The following ERC1 variants were observed in gnomAD, a reference collection of about 807,000 sequenced individuals.
ERC1 encodes RAB6 interacting protein 2.
Under a neutral mutation model 132.0 loss-of-function variants are expected in ERC1, and 56 were observed. That is an observed-to-expected ratio of 0.42 (90% CI 0.34 to 0.53). The LOEUF (loss-of-function observed/expected upper bound fraction) is 0.53. ERC1 is among the 20% of genes least tolerant of loss of function. The pLI, the probability that ERC1 is intolerant of heterozygous loss-of-function variation, is 0.03. For missense variants in ERC1, 1,202 were observed against 1,349.9 expected (o/e 0.89, Z 1.72); for synonymous variants, 478 against 476.1 (o/e 1.00, Z -0.05).
intron 2 of ERC1, among the ~76,000 whole-genome samples, chr12:1,063,589 T>A (rs1043320908): frequency 6.6e-6 from 1 of 152,178 alleles, no homozygotes; most frequent in Non-Finnish European, 1.5e-5. Context: ...TGTGTGTTTT[T>A]ACATGTGAAG....
At chr12:1,395,066 G>A (rs914717571) in intron 16 of ERC1, among the ~76,000 whole-genome samples, 3 of 152,142 alleles carry the variant, frequency 2.0e-5, no homozygotes, top group Non-Finnish European at 4.4e-5. Flanking sequence ...GATACAGCTG[G>A]GAGAAATGAT....
At chr12:1,026,371 G>A (rs1966888094) in intron 1 of ERC1, among the ~76,000 whole-genome samples, 1 of 152,062 alleles carries the variant, frequency 6.6e-6, no homozygotes, top group African/African-American at 2.4e-5. Flanking sequence ...GATTTGAGTG[G>A]GGACACAGCC....
intron 2 of ERC1, among the ~76,000 whole-genome samples, chr12:1,057,380 T>A (rs772741083): frequency 2.6e-5 from 4 of 152,096 alleles, no homozygotes; most frequent in Non-Finnish European, 5.9e-5. Flanking sequence ...TTCCTTGGCC[T>A]CCTGGAAAGC....
chr12:1,056,084 T>TAAA lies in ERC1; in HGVS notation c.670-27074_670-27072dup, dbSNP rs60332254. Among the ~76,000 whole-genome samples the TAAA allele has an allele frequency of 8.0e-3, 1,158 of 145,406 alleles. 19 individuals are homozygous for TAAA. The highest frequency in any genetic ancestry group is 0.026 in the African/African-American group (1,001 of 38,682). ...TTTTATTGTAGCCTTTTTTTTTTTTTAAAAAAAAGGTGAATGTCAGCAGAG... is the reference window on the plus strand; with the variant it reads ...TTTTATTGTAGCCTTTTTTTTTTTTTAAAAAAAAAAAGGTGAATGTCAGCAGAG... On this transcript the variant is annotated intron_variant, in intron 2 of 18. Coordinates refer to ENST00000360905, the MANE Select transcript of ERC1 (RefSeq NM_178040.4).
intron 15 of ERC1, among the ~76,000 whole-genome samples, chr12:1,360,514 T>C (rs1044863952): frequency 8.5e-5 from 13 of 152,228 alleles, no homozygotes; most frequent in African/African-American, 3.1e-4. Context: ...CACTTCACTG[T>C]AATCCAAAAC....
chr12:1,183,270 C>T lies in ERC1; in HGVS notation c.2017-11C>T. 1.3e-6 allele frequency: 2 copies of T among 1,518,962 alleles called. No individual in the cohort carries two copies. The highest frequency in any genetic ancestry group is 4.6e-5 in the East Asian group (2 of 43,634). The allele number at this position is 1,518,962 out of a possible 1,614,324, so 94.1% of individuals were successfully genotyped here. ...AAATTATTTATTCTAGATGTGTGTT[C>T]CTTCTTTTAGGCTTCACTTTTGGAT... is the stretch of plus-strand genomic sequence containing the variant. On this transcript the variant is annotated splice_polypyrimidine_tract_variant and intron_variant, in intron 10 of 18. Coordinates refer to ENST00000360905, the MANE Select transcript of ERC1 (RefSeq NM_178040.4).
At chr12:1,092,787 C>T (rs1033499508) in intron 3 of ERC1, among the ~76,000 whole-genome samples, 1 of 152,116 alleles carries the variant, frequency 6.6e-6, no homozygotes, top group East Asian at 1.9e-4. Context: ...ATGGCAAAAC[C>T]CTGTCTCTAC....
chr12:1,487,582 T>C (rs1454847785), intron 18 of ERC1, among the ~76,000 whole-genome samples: 2 of 148,282 alleles, frequency 1.3e-5, no homozygotes, highest in Non-Finnish European at 3.0e-5. Context: ...TAGCCAGGCA[T>C]GGTGGTACAC....
intron 1 of ERC1, among the ~76,000 whole-genome samples, chr12:1,017,642 G>A (rs1451354835): frequency 6.6e-6 from 1 of 151,992 alleles, no homozygotes; most frequent in Non-Finnish European, 1.5e-5. Context: ...GGGACTAGAG[G>A]CGTGCGCTAT....
At chr12:1,001,875 T>C (rs914631617) in intron 1 of ERC1, among the ~76,000 whole-genome samples, 13 of 143,922 alleles carry the variant, frequency 9.0e-5, no homozygotes, top group East Asian at 3.9e-4. Context: ...TTTTTTTTTT[T>C]CCTGAGACGG....
At chr12:1,289,818 C>G in intron 14 of ERC1, 34 bp from the exon 15 acceptor site, 1 of 1,591,210 alleles carries the variant, frequency 6.3e-7, no homozygotes, top group Non-Finnish European at 8.6e-7. Context: ...TTGATCAAGA[C>G]ACTCTGTTGT....
At chr12:1,433,993 A>AT (rs1398758495) in intron 17 of ERC1, among the ~76,000 whole-genome samples, 1 of 151,760 alleles carries the variant, frequency 6.6e-6, no homozygotes, top group Non-Finnish European at 1.5e-5. Flanking sequence ...AAAAAAAAAA[A>AT]AAAAAAAGGT....
chr12:1,339,878 A>G (rs1341335922), intron 15 of ERC1, among the ~76,000 whole-genome samples: 1 of 152,136 alleles, frequency 6.6e-6, no homozygotes, highest in Admixed American at 6.5e-5. Flanking sequence ...GTGCTCACCA[A>G]GGCTCCAACT....
At chr12:1,420,913 TTGGTTTG>T (rs1304613185) in intron 17 of ERC1, among the ~76,000 whole-genome samples, 1 of 54,098 alleles carries the variant, frequency 1.8e-5, no homozygotes, top group Non-Finnish European at 4.2e-5. Flanking sequence ...TTGTTTGGTT[TTGGTTTG>T]GGGGGGGGGG....
At chr12:1,122,235 ATCTGTGTC>A (rs1459169013) in intron 7 of ERC1, among the ~76,000 whole-genome samples, 26 of 38,768 alleles carry the variant, frequency 6.7e-4, no homozygotes, top group African/African-American at 3.7e-3. Context: ...CTCTATCTCT[ATCTGTGTC>A]TCTATCTCTA....
intron 16 of ERC1, among the ~76,000 whole-genome samples, chr12:1,396,782 C>T (rs911904364): frequency 6.6e-6 from 1 of 152,128 alleles, no homozygotes; most frequent in African/African-American, 2.4e-5. Flanking sequence ...AATGCCTATA[C>T]AGAGAATGGA....
rs1352848649 is a variant in ERC1 at position 1,010,885 on chromosome 12, G to A, written c.-156-16863G>A. On this transcript the variant is annotated intron_variant, in intron 1 of 18. Transcript: ENST00000360905. The stretch of plus-strand genomic sequence containing the variant: ...CTTCTGGCAGTGTGCCATTCCACCC[G>A]TTTCTTGGAGAAGACCAGAAACATG... Among the ~76,000 whole-genome samples, 4 of 152,018 alleles carry A rather than the reference G, an allele frequency of 2.6e-5. No individual in the cohort carries two copies. The South Asian group carries it at 6.2e-4, about 24-fold the overall frequency.
rs1277086200 is a variant in ERC1 at position 1,495,863 on chromosome 12, CTT to C, written c.*5635_*5636del. On this transcript the variant is annotated 3_prime_UTR_variant, in exon 19 of 19. Coordinates refer to ENST00000360905, the MANE Select transcript of ERC1 (RefSeq NM_178040.4). ...TTTGCCTTGATAATTATTGTAAACACTTTGTTCATTTTTTCTTTTTTATTCAC... is the reference window on the plus strand; with the variant it reads ...TTTGCCTTGATAATTATTGTAAACACTGTTCATTTTTTCTTTTTTATTCAC... 1 of 196,162 alleles carries C rather than the reference CTT, an allele frequency of 5.1e-6. No homozygotes were observed. Among genetic ancestry groups the C allele is most frequent in the South Asian group, 1.9e-4 (1 of 5,230 alleles). 12.2% of individuals were successfully genotyped at this position (196,162 alleles called of 1,614,324 possible).
intron 15 of ERC1, among the ~76,000 whole-genome samples, chr12:1,310,209 T>TTTTTATTTTATTTTA (rs71055144): frequency 2.6e-4 from 39 of 151,320 alleles, no homozygotes; most frequent in African/African-American, 8.5e-4. Flanking sequence ...AAACAGTTCT[T>TTTTTATTTTATTTTA]TTTTATTTTA....
Sources: gnomAD v4.1 joint callset for allele counts (sites outside exome capture counted in the v4.1 genomes callset) on GRCh38, gnomAD v4.1.1 for gene constraint, MANE v1.5 for transcripts, NCBI Gene and HGNC (gene_info 2026-07-23, HGNC 2026-07-21) for gene names.